The following CA10 variants were observed in gnomAD, a reference collection of about 807,000 sequenced individuals.
CA10 encodes carbonic anhydrase 10 (inactive).
Under a neutral mutation model 44.2 loss-of-function variants are expected in CA10, and 14 were observed. That is an observed-to-expected ratio of 0.32 (90% CI 0.21 to 0.50). The LOEUF is 0.50. CA10 is among the 20% of genes least tolerant of loss of function. CA10 has a pLI of 0.99. For synonymous variants in CA10, 159 were observed against 141.6 expected, an observed-to-expected ratio of 1.12 and a Z score of -0.87; for missense variants, 350 against 409.7, an observed-to-expected ratio of 0.85 and a Z score of 1.26.
rs117883519 is a variant in CA10 at position 51,700,724 on chromosome 17, G to A, written c.465+46909C>T. Among the ~76,000 whole-genome samples, 548 of 152,228 alleles carry A rather than the reference G, an allele frequency of 3.6e-3. 7 individuals carry two copies. The highest frequency in any genetic ancestry group is 0.01 in the Middle Eastern group (3 of 294). ...AGCACTTACCGTCGCCTAACATTCC[G>A]TAAGTGGTCACGTTCCTGGGCTGTC... On this transcript the variant is annotated intron_variant, in intron 4 of 8. Coordinates refer to ENST00000451037, the MANE Select transcript of CA10 (RefSeq NM_020178.5).
chr17:52,130,109 C>A (rs898259133), intron 1 of CA10, among the ~76,000 whole-genome samples: 1 of 152,104 alleles, frequency 6.6e-6, no homozygotes. Flanking sequence ...TGAGATATCA[C>A]CTTATTCATG....
chr17:52,030,486 G>A (rs529873609), intron 2 of CA10, among the ~76,000 whole-genome samples: 18 of 152,268 alleles, frequency 1.2e-4, no homozygotes, highest in Non-Finnish European at 2.6e-4. Context: ...AAGCACAGGA[G>A]GCACAAATGG....
intron 3 of CA10, among the ~76,000 whole-genome samples, chr17:51,836,408 G>A (rs779964577): frequency 6.6e-6 from 1 of 152,216 alleles, no homozygotes; most frequent in Non-Finnish European, 1.5e-5. Context: ...AGGACCCAAC[G>A]TGGAGGCAAA....
chr17:51,719,246 T>G (rs954473844), intron 4 of CA10, among the ~76,000 whole-genome samples: 2 of 152,180 alleles, frequency 1.3e-5, no homozygotes, highest in Non-Finnish European at 2.9e-5. Flanking sequence ...CATGAAGGCA[T>G]GAAATTTTAA....
chr17:52,043,170 G>A (rs560950983), intron 2 of CA10, among the ~76,000 whole-genome samples: 41 of 152,074 alleles, frequency 2.7e-4, no homozygotes, highest in African/African-American at 8.7e-4. Flanking sequence ...ATAACTTTTC[G>A]TAGCATGAGC....
intron 4 of CA10, among the ~76,000 whole-genome samples, chr17:51,727,062 G>A (rs994220895): frequency 6.6e-6 from 1 of 152,164 alleles, no homozygotes; most frequent in African/African-American, 2.4e-5. Context: ...CCACTCTTCA[G>A]CTATTTGCTA....
At chr17:51,903,274 G>A (rs533671674) in intron 3 of CA10, among the ~76,000 whole-genome samples, 8 of 152,124 alleles carry the variant, frequency 5.3e-5, no homozygotes, top group Non-Finnish European at 8.8e-5. Context: ...TTCCTCCAAG[G>A]CTTGGCTATT....
intron 4 of CA10, among the ~76,000 whole-genome samples, chr17:51,660,378 G>A (rs8076496): frequency 0.45 from 68,049 of 152,032 alleles, 16,035 homozygotes; most frequent in Admixed American, 0.53. Flanking sequence ...TTTGGTGACC[G>A]GTAACTCAGC....
intron 1 of CA10, among the ~76,000 whole-genome samples, chr17:52,113,296 T>C (rs1988824834): frequency 6.6e-6 from 1 of 152,188 alleles, no homozygotes; most frequent in Admixed American, 6.5e-5. Flanking sequence ...TTTTGAGAAA[T>C]ACAGATGAAT....
At chr17:51,868,511 C>T (rs1979652329) in intron 3 of CA10, among the ~76,000 whole-genome samples, 1 of 152,186 alleles carries the variant, frequency 6.6e-6, no homozygotes, top group African/African-American at 2.4e-5. Flanking sequence ...CCTTATTTTA[C>T]ACTACCAACC....
At chr17:51,926,357 C>A (rs1162363558) in intron 3 of CA10, among the ~76,000 whole-genome samples, 3 of 152,066 alleles carry the variant, frequency 2.0e-5, no homozygotes, top group Admixed American at 2.0e-4. Flanking sequence ...TACAAAAATG[C>A]CAAAAAGTTT....
At chr17:51,771,809 C>T (rs1401652355) in intron 3 of CA10, among the ~76,000 whole-genome samples, 2 of 152,180 alleles carry the variant, frequency 1.3e-5, no homozygotes, top group African/African-American at 4.8e-5. Flanking sequence ...CGAGGCTTGA[C>T]CAATACCAAG....
chr17:51,794,739 T>C (rs1906644252), intron 3 of CA10, among the ~76,000 whole-genome samples: 1 of 152,274 alleles, frequency 6.6e-6, no homozygotes, highest in Admixed American at 6.5e-5. Flanking sequence ...ATAATAAATC[T>C]ACAGTGGGGT....
chr17:52,000,084 A>G (rs887783541), intron 2 of CA10, among the ~76,000 whole-genome samples: 7 of 152,192 alleles, frequency 4.6e-5, no homozygotes, highest in African/African-American at 1.4e-4. Context: ...CAGATAATTC[A>G]CAAAATAGGC....
chr17:52,082,806 G>C (rs1988018596), intron 1 of CA10, among the ~76,000 whole-genome samples: 1 of 152,136 alleles, frequency 6.6e-6, no homozygotes. Flanking sequence ...AGCATCATTA[G>C]TCTAATGAAT....
At chr17:51,632,046 C>T (rs1912604388) in intron 8 of CA10, among the ~76,000 whole-genome samples, 1 of 152,162 alleles carries the variant, frequency 6.6e-6, no homozygotes, top group African/African-American at 2.4e-5. Context: ...CAGATCTAAT[C>T]CAGCACAATA....
At chr17:51,746,343 G>T (rs77132642) in intron 4 of CA10, among the ~76,000 whole-genome samples, 134 of 152,286 alleles carry the variant, frequency 8.8e-4, no homozygotes, top group African/African-American at 3.2e-3. Flanking sequence ...TAAAATGGAG[G>T]TGTCTAAACT....
intron 3 of CA10, among the ~76,000 whole-genome samples, chr17:51,905,757 C>T (rs369593224): frequency 9.9e-5 from 15 of 152,160 alleles, no homozygotes; most frequent in East Asian, 5.8e-4. Context: ...AGTCAACTCA[C>T]GCTCCCACAT....
intron 4 of CA10, among the ~76,000 whole-genome samples, chr17:51,663,633 C>T (rs558607110): frequency 6.6e-6 from 1 of 152,272 alleles, no homozygotes; most frequent in Admixed American, 6.5e-5. Flanking sequence ...TGTAAATGAG[C>T]TCAGGTGTAC....
Sources: allele counts gnomAD v4.1 joint callset (sites outside exome capture counted in the v4.1 genomes callset), GRCh38; gene constraint gnomAD v4.1.1; transcripts MANE v1.5; gene names NCBI Gene and HGNC (gene_info 2026-07-23, HGNC 2026-07-21).